Variants in FABP3 observed in about 807,000 individuals in gnomAD.
FABP3 encodes the protein fatty acid-binding protein, heart.
FABP3 carries 8 observed loss-of-function variants against 13.4 expected under a neutral mutation model. That is an observed-to-expected ratio of 0.60 (90% confidence interval 0.35 to 1.07). The LOEUF is 1.07. Ranked by LOEUF, FABP3 falls within the 50% of genes least tolerant of loss-of-function variation. FABP3 has a pLI of 0.02. For missense variants in FABP3, 135 were observed against 164.7 expected (o/e 0.82, Z 0.99); for synonymous variants, 64 against 60.0 (o/e 1.07, Z -0.31).
chr1:31,370,100 C>T (rs6670067), intron 1 of FABP3, among the ~76,000 whole-genome samples: 74,200 of 115,290 alleles, frequency 0.64, 19,700 homozygotes, highest in Non-Finnish European at 0.68. Context: ...TGAGATTCCA[C>T]CTCAAAAAAA....
intron 1 of FABP3, among the ~76,000 whole-genome samples, chr1:31,369,931 C>T (rs887470704): frequency 6.6e-6 from 1 of 151,994 alleles, no homozygotes; most frequent in Non-Finnish European, 1.5e-5. Flanking sequence ...ATGGTGAAAC[C>T]CGTCTCTACT....
intron 2 of FABP3, 66 bp from the exon 3 acceptor site, chr1:31,367,560 T>A: frequency 7.3e-7 from 1 of 1,372,764 alleles, no homozygotes; most frequent in Non-Finnish European, 1.0e-6. Flanking sequence ...GGGTGGGGTC[T>A]GGACACTGGG....
downstream of FABP3, chr1:31,364,047 A>G (rs1640035200): frequency 6.2e-7 from 1 of 1,610,444 alleles, no homozygotes; most frequent in Admixed American, 1.7e-5. Context: ...GAAGAAAAAG[A>G]AACATAGAGA....
chr1:31,370,849 A>G (rs998446477), intron 1 of FABP3, among the ~76,000 whole-genome samples: 3 of 152,198 alleles, frequency 2.0e-5, no homozygotes, highest in African/African-American at 7.2e-5. Context: ...GTGTGTGTAA[A>G]GTCTCCAAAT....
At chr1:31,371,228 G>A (rs1315764773) in intron 1 of FABP3, among the ~76,000 whole-genome samples, 3 of 152,222 alleles carry the variant, frequency 2.0e-5, no homozygotes, top group Admixed American at 2.0e-4. Context: ...TGCTTGGCCA[G>A]TGAGGAACTT....
At position 31,365,770 on chromosome 1, in the gene FABP3, G is replaced by T; in HGVS notation, c.*116C>A. On this transcript the variant is annotated 3_prime_UTR_variant, in exon 4 of 4. Coordinates refer to ENST00000373713, the MANE Select transcript of FABP3 (RefSeq NM_004102.5). ...AACTGGATCCCGGTCAGTGGCACCT[G>T]ACCCCAGAAGAATTCGTGGATTTGT... is the stretch of plus-strand genomic sequence containing the variant. The T allele has an allele frequency of 1.1e-6, 1 of 934,320 alleles. No individual in the cohort carries two copies. The highest frequency in any genetic ancestry group is 1.7e-6 in the Non-Finnish European group (1 of 586,738). The allele number at this position is 934,320 out of a possible 1,614,324, so 57.9% of individuals were successfully genotyped here.
In FABP3 at chr1:31,367,431, T is replaced by A; in HGVS notation, c.310A>T (p.Thr104Ser). ...CCATCAATTAGCTCCCGCACAAGTG[T>A]GGTCTCTTGCCCGTCCCATTTCTGC... Reference protein sequence around the residue: ...HLQKWDGQETTLVRELIDGKL... With the variant: ...HLQKWDGQETSLVRELIDGKL... The change falls in exon 3 of 4, where the codon ACA (threonine) becomes TCA (serine). Residue 104 changes from threonine to serine, a missense_variant. Coordinates refer to ENST00000373713, the MANE Select transcript of FABP3 (RefSeq NM_004102.5). The A allele has an allele frequency of 3.7e-6, 6 of 1,614,242 alleles. No homozygotes were observed. Among genetic ancestry groups the A allele is most frequent in the Non-Finnish European group, 5.1e-6 (6 of 1,180,036 alleles).
chr1:31,361,465 A>G (rs1639890416), downstream of FABP3, among the ~76,000 whole-genome samples: 1 of 152,252 alleles, frequency 6.6e-6, no homozygotes, highest in African/African-American at 2.4e-5. Context: ...TACTGAAAAG[A>G]AAACTGAGGT....
At chr1:31,363,274 C>A (rs1207888680), downstream of FABP3, among the ~76,000 whole-genome samples, 4 of 151,612 alleles carry the variant, frequency 2.6e-5, no homozygotes, top group Non-Finnish European at 5.9e-5. Flanking sequence ...AGCTCCGCCT[C>A]CTGGGTTCAC....
intron 2 of FABP3, among the ~76,000 whole-genome samples, chr1:31,368,772 A>G (rs7532845): frequency 0.061 from 9,244 of 152,268 alleles, 541 homozygotes; most frequent in South Asian, 0.21. Flanking sequence ...CTGCAAACAC[A>G]TTCATGACAA....
Position 31,369,571 on chromosome 1 carries a change from G to T in FABP3, c.74-14C>A. 6.2e-7 allele frequency: 1 copy of T among 1,613,774 alleles called. No homozygotes were observed. Among genetic ancestry groups the T allele is most frequent in the Middle Eastern group, 1.7e-4 (1 of 6,060 alleles). ...CAAAACCCACACCTGAGGGTAGGGGGAAGGTTATGAGTATATGAGCTGGGG... is the reference window on the plus strand; with the variant it reads ...CAAAACCCACACCTGAGGGTAGGGGTAAGGTTATGAGTATATGAGCTGGGG... On this transcript the variant is annotated splice_polypyrimidine_tract_variant and intron_variant, in intron 1 of 3. Coordinates refer to ENST00000373713, the MANE Select transcript of FABP3 (RefSeq NM_004102.5).
At chr1:31,369,175 A>C (rs748103343) in intron 2 of FABP3, 2 of 568,480 alleles carry the variant, frequency 3.5e-6, no homozygotes, top group Non-Finnish European at 6.2e-6. Context: ...AATCCCAAGA[A>C]GGGAGGGAAG....
chr1:31,359,610 ATT>A, the FABP3 span, among the ~76,000 whole-genome samples: 1 of 152,070 alleles, frequency 6.6e-6, no homozygotes, highest in Non-Finnish European at 1.5e-5. Flanking sequence ...TTTTGCTTTT[ATT>A]TTTGTTTTTC....
In FABP3 at chr1:31,369,051, A is replaced by G. The variant is rs562486118; in HGVS notation, c.246+334T>C. 2.5e-5 allele frequency: 6 copies of G among 236,764 alleles called. No individual in the cohort carries two copies. The East Asian group carries it at 5.2e-4, about 20-fold the overall frequency. The allele number at this position is 236,764 out of a possible 1,614,324, so 14.7% of individuals were successfully genotyped here. ...CTGCCATCTATGGAAGGGGAAAGAA[A>G]CCTAGAGCTACTGCATACCTTGCAC... On this transcript the variant is annotated intron_variant, in intron 2 of 3. Transcript: ENST00000373713.
chr1:31,369,251 T>C, intron 2 of FABP3, 134 bp downstream of exon 2: 1 of 943,492 alleles, frequency 1.1e-6, no homozygotes, highest in Non-Finnish European at 1.6e-6. Context: ...ACAGGCTTTA[T>C]GAATCTTGTT....
chr1:31,366,169 T>C (rs971797251), intron 3 of FABP3, among the ~76,000 whole-genome samples: 2 of 152,076 alleles, frequency 1.3e-5, no homozygotes, highest in Non-Finnish European at 2.9e-5. Flanking sequence ...ATTCTTATTT[T>C]AGAGATTTGG....
intron 1 of FABP3, 92 bp from the exon 2 acceptor site, chr1:31,369,649 GGGAAGT>G (rs1289842489): frequency 1.7e-6 from 2 of 1,180,192 alleles, no homozygotes; most frequent in African/African-American, 3.0e-5. Flanking sequence ...CCTGGGTATG[GGGAAGT>G]GGAGGACTGT....
intron 1 of FABP3, among the ~76,000 whole-genome samples, chr1:31,371,071 G>A (rs1640200820): frequency 6.6e-6 from 1 of 152,202 alleles, no homozygotes; most frequent in South Asian, 2.1e-4. Flanking sequence ...TTCACTGGGC[G>A]ATTCTGTCCA....
chr1:31,367,414 T>C lies in FABP3; in HGVS notation c.327A>G (p.Leu109=). ...TTACCAGGATGAGTTTTCCATCAAT[T>C]AGCTCCCGCACAAGTGTGGTCTCTT... ...DGQETTLVRE[L]IDGKLILTLT... The change falls in exon 3 of 4, where the codon CTA becomes CTG. Residue 109 remains leucine, a synonymous_variant. Coordinates refer to ENST00000373713, the MANE Select transcript of FABP3 (RefSeq NM_004102.5). 1 of 1,614,154 alleles carries C rather than the reference T, an allele frequency of 6.2e-7. No individual in the cohort carries two copies. The highest frequency in any genetic ancestry group is 8.5e-7 in the Non-Finnish European group (1 of 1,179,960).
Sources: gnomAD v4.1 joint callset for allele counts (sites outside exome capture counted in the v4.1 genomes callset) on GRCh38, gnomAD v4.1.1 for gene constraint, MANE v1.5 for transcripts, NCBI Gene and HGNC (gene_info 2026-07-23, HGNC 2026-07-21) for gene names.